Variants in MPPED1 observed in about 807,000 individuals in gnomAD.
The protein encoded by MPPED1 is metallophosphoesterase domain containing 1, also known as metallophosphoesterase domain-containing protein 1.
In MPPED1, 16 loss-of-function variants were observed where a neutral mutation model predicts 36.2. The observed-to-expected ratio is 0.44, with a 90% confidence interval of 0.30 to 0.67. MPPED1 has a LOEUF of 0.67. Among genes scored for constraint, MPPED1 ranks in the 30% least tolerant of loss-of-function variants. MPPED1 has a pLI of 0.10. For missense variants in MPPED1, 307 were observed against 453.4 expected (o/e 0.68, Z 2.93); for synonymous variants, 199 against 191.3 (o/e 1.04, Z -0.33).
chr22:43,491,669 G>GATGGAGGTGGTGGTT (rs1569087177), intron 4 of MPPED1, among the ~76,000 whole-genome samples: 1 of 150,554 alleles, frequency 6.6e-6, no homozygotes, highest in Non-Finnish European at 1.5e-5. Flanking sequence ...TGGTGATGGT[G>GATGGAGGTGGTGGTT]ATGGAGGTGG....
chr22:43,442,745 C>T (rs75644691), intron 3 of MPPED1, among the ~76,000 whole-genome samples: 4,103 of 152,260 alleles, frequency 0.027, 179 homozygotes, highest in African/African-American at 0.094. Context: ...GCTGGCCTCC[C>T]TTCTCCCTCA....
rs112690812 is a variant in MPPED1, at chr22:43,412,708, C to T, written c.-79+550C>T. On this transcript the variant is annotated intron_variant, in intron 1 of 6. Coordinates refer to ENST00000443721, the MANE Select transcript of MPPED1 (RefSeq NM_001044370.2). ...ATCCATCCATCCATCCATCCACTCA[C>T]TCAACACATATTTATTCCTGTCTGC... Among the ~76,000 whole-genome samples the T allele has an allele frequency of 6.7e-3, 595 of 88,604 alleles. 9 individuals are homozygous for T. The highest frequency in any genetic ancestry group is 0.023 in the Middle Eastern group (3 of 128). 58.1% of individuals were successfully genotyped at this position (88,604 alleles called of 152,430 possible).
intron 3 of MPPED1, among the ~76,000 whole-genome samples, chr22:43,463,170 T>C (rs1931013389): frequency 6.6e-6 from 1 of 152,082 alleles, no homozygotes; most frequent in African/African-American, 2.4e-5. Context: ...GTGCTTAATG[T>C]GGGTCTTTAC....
At chr22:43,484,108 C>T (rs1314376960) in intron 4 of MPPED1, among the ~76,000 whole-genome samples, 1 of 152,248 alleles carries the variant, frequency 6.6e-6, no homozygotes, top group Non-Finnish European at 1.5e-5. Flanking sequence ...TGGTGCAGTG[C>T]TGCTTGCATG....
intron 3 of MPPED1, among the ~76,000 whole-genome samples, chr22:43,436,595 T>C (rs1400504399): frequency 1.3e-5 from 2 of 152,246 alleles, no homozygotes; most frequent in African/African-American, 4.8e-5. Context: ...TCTCTGGGAT[T>C]CTCCCCTTGC....
chr22:43,445,968 T>A lies in MPPED1; in HGVS notation c.406+10753T>A, dbSNP rs185429720. ...GCACTGCAGCCTCAACCTCCTGGGATCAGGTGATTCTCCCGCCTTAGCCCC... is the reference window on the plus strand; with the variant it reads ...GCACTGCAGCCTCAACCTCCTGGGAACAGGTGATTCTCCCGCCTTAGCCCC... On this transcript the variant is annotated intron_variant, in intron 3 of 6. Coordinates refer to ENST00000443721, the MANE Select transcript of MPPED1 (RefSeq NM_001044370.2). 6.1e-4 allele frequency among the ~76,000 whole-genome samples: 89 copies of A among 144,926 alleles called. 1 individual carries two copies. In the East Asian group the frequency reaches 0.017, roughly 28 times the overall value.
At chr22:43,463,077 T>C (rs1267262459) in intron 3 of MPPED1, among the ~76,000 whole-genome samples, 1 of 152,190 alleles carries the variant, frequency 6.6e-6, no homozygotes, top group Admixed American at 6.5e-5. Flanking sequence ...TTTTTCCTTT[T>C]TTTTTCAGTG....
chr22:43,446,274 C>T (rs985469265), intron 3 of MPPED1, among the ~76,000 whole-genome samples: 23 of 152,198 alleles, frequency 1.5e-4, no homozygotes, highest in African/African-American at 4.6e-4. Context: ...CAGATGTTTC[C>T]TGAGCACATT....
At chr22:43,505,032 T>C (rs1456966201) in intron 6 of MPPED1, among the ~76,000 whole-genome samples, 1 of 151,814 alleles carries the variant, frequency 6.6e-6, no homozygotes, top group Non-Finnish European at 1.5e-5. Flanking sequence ...GTGAAGATGA[T>C]GATAAGGGTG....
At chr22:43,499,573 TAGTGGA>T in intron 5 of MPPED1, among the ~76,000 whole-genome samples, 1 of 83,804 alleles carries the variant, frequency 1.2e-5, no homozygotes, top group Non-Finnish European at 2.3e-5. Context: ...GTGGTGGTGG[TAGTGGA>T]GGTGGTGGTG....
intron 5 of MPPED1, among the ~76,000 whole-genome samples, chr22:43,500,359 AGGTGGTGATGGG>A (rs1569091999): frequency 2.1e-5 from 1 of 48,666 alleles, no homozygotes; most frequent in South Asian, 7.1e-4. Context: ...ATGGTGATGG[AGGTGGTGATGGG>A]GGTGGTGGTG....
At chr22:43,497,057 A>AGTGGTGGTGGAGG (rs1569090195) in intron 4 of MPPED1, among the ~76,000 whole-genome samples, 3 of 29,142 alleles carry the variant, frequency 1.0e-4, no homozygotes, top group Admixed American at 3.1e-4. Context: ...GGTGGTGGAG[A>AGTGGTGGTGGAGG]TGGTGGTGGT....
intron 3 of MPPED1, among the ~76,000 whole-genome samples, chr22:43,464,383 C>A (rs1256664624): frequency 6.6e-6 from 1 of 151,548 alleles, no homozygotes; most frequent in Non-Finnish European, 1.5e-5. Context: ...TGTCTTTGGG[C>A]AAGCCCTATA....
intron 4 of MPPED1, among the ~76,000 whole-genome samples, chr22:43,492,060 C>A (rs1298552249): frequency 1.3e-5 from 2 of 151,014 alleles, no homozygotes; most frequent in African/African-American, 2.4e-5. Context: ...GGAGGTGGTG[C>A]TGGGGGTGAT....
chr22:43,428,138 T>C (rs1364052087), intron 2 of MPPED1, among the ~76,000 whole-genome samples: 1 of 152,128 alleles, frequency 6.6e-6, no homozygotes, highest in Non-Finnish European at 1.5e-5. Flanking sequence ...CAGATGGTCA[T>C]GAAAGCGTGT....
chr22:43,500,611 G>T (rs903914968), intron 5 of MPPED1, among the ~76,000 whole-genome samples: 33 of 151,976 alleles, frequency 2.2e-4, no homozygotes, highest in Non-Finnish European at 4.0e-4. Flanking sequence ...TCTCCCAGCA[G>T]TTCGGCCCAT....
At chr22:43,498,121 TC>T in intron 4 of MPPED1, 113 bp from the exon 5 acceptor site, 1 of 731,880 alleles carries the variant, frequency 1.4e-6, no homozygotes, top group Non-Finnish European at 2.2e-6. Flanking sequence ...TCCCTGGGTC[TC>T]CAGGTAGCGA....
rs1036166697 is a variant in MPPED1 at position 43,507,133 on chromosome 22, G to A, written c.*1517G>A. The A allele has an allele frequency of 5.9e-5, 9 of 152,208 alleles. No individual in the cohort carries two copies. The highest frequency in any genetic ancestry group is 2.2e-4 in the African/African-American group (9 of 41,434). 9.4% of individuals were successfully genotyped at this position (152,208 alleles called of 1,614,324 possible). A position where few individuals can be genotyped will look rare whatever the true frequency, so the allele number is the denominator to read the frequency against. On this transcript the variant is annotated 3_prime_UTR_variant, in exon 7 of 7. Transcript: ENST00000443721. ...AGAGGGGTGTGGTAACTTGCCTGGG[G>A]GCTCACAGCACAAAAGGAGCCGAGG...
intron 3 of MPPED1, among the ~76,000 whole-genome samples, chr22:43,462,581 T>A (rs1190639269): frequency 6.6e-6 from 1 of 152,238 alleles, no homozygotes; most frequent in Non-Finnish European, 1.5e-5. Flanking sequence ...GTGACATTAT[T>A]TTTTAAAAGT....
Sources: gnomAD v4.1 joint callset for allele counts (sites outside exome capture counted in the v4.1 genomes callset) on GRCh38, gnomAD v4.1.1 for gene constraint, MANE v1.5 for transcripts, NCBI Gene and HGNC (gene_info 2026-07-23, HGNC 2026-07-21) for gene names.